The following MUC5B variants were observed in gnomAD, a reference collection of about 807,000 sequenced individuals.
MUC5B encodes the protein mucin 5B, oligomeric mucus/gel-forming, also known as mucin-5B.
A neutral mutation model predicts 376.9 loss-of-function variants in MUC5B; 116 were observed. The ratio of observed to expected loss-of-function variants is 0.31; its 90% CI spans 0.26 to 0.36. The LOEUF (loss-of-function observed/expected upper bound fraction) is 0.36, where lower values mean the gene tolerates loss of function less well. Among genes scored for constraint, MUC5B ranks in the 10% least tolerant of loss-of-function variants. The pLI is 1.00. For synonymous variants in MUC5B, 3,517 were observed against 3,390.9 expected (o/e 1.04, Z -1.29); for missense variants, 7,165 against 7,769.9 (o/e 0.92, Z 2.93).
At position 1,259,797 on chromosome 11, in the gene MUC5B, G is replaced by A; in HGVS notation, c.16755G>A (p.Glu5585=). The stretch of plus-strand genomic sequence containing the variant: ...GAGTGGCCGGGCAGTGCTGTGGGGA[G>A]TGCGTCCAGACCGCCTGCCTCACGC... ...YKRVAGQCCG[E]CVQTACLTPD... Residue 5585 remains glutamate, a synonymous_variant, in exon 45 of 49, where the codon GAG becomes GAA. Transcript: ENST00000529681. 1 of 1,612,464 alleles carries A rather than the reference G, an allele frequency of 6.2e-7. No homozygotes were observed. The highest frequency in any genetic ancestry group is 8.5e-7 in the Non-Finnish European group (1 of 1,179,708).
At chr11:1,228,371 C>T (rs2672811) in intron 7 of MUC5B, 193 bp from the exon 8 acceptor site, 6 of 575,568 alleles carry the variant, frequency 1.0e-5, no homozygotes, top group Admixed American at 7.0e-5. Context: ...AGGGGATCCC[C>T]GGTCACGGGT....
Position 1,258,105 on chromosome 11 carries a change from A to T in MUC5B, c.16457A>T (p.Asn5486Ile). The T allele has an allele frequency of 6.3e-7, 1 of 1,585,572 alleles. No homozygotes were observed. The highest frequency in any genetic ancestry group is 8.6e-7 in the Non-Finnish European group (1 of 1,168,252). The part of the protein sequence containing the change: ...PCCPETVCVC[N>I]TTTCPQSLPV... Reference sequence around the variant, plus strand: ...GGCCTCCATCCTCCCGCAGTGTGCAACACAACCACCTGCCCCCAGAGCCTG... The same window carrying T: ...GGCCTCCATCCTCCCGCAGTGTGCATCACAACCACCTGCCCCCAGAGCCTG... Residue 5486 changes from asparagine (N) to isoleucine (I), a missense_variant, in exon 42 of 49, where the codon AAC becomes ATC. Asn to Ile is a moderately radical substitution (Grantham distance 149, BLOSUM62 -3). Coordinates refer to ENST00000529681, the MANE Select transcript of MUC5B (RefSeq NM_002458.3). This position sits in a 1 kb window ranked among gnomAD's most constrained non-coding sequence, Gnocchi z 5.5.
At chr11:1,237,312 A>C (rs1862182390) in intron 25 of MUC5B, 148 bp downstream of exon 25, 1 of 1,085,884 alleles carries the variant, frequency 9.2e-7, no homozygotes, top group Non-Finnish European at 1.2e-6. Flanking sequence ...TCAGGTCCCA[A>C]GTCCGGATCT....
Position 1,255,386 on chromosome 11 carries a change from C to A in MUC5B, c.15894C>A (p.Val5298=), listed in dbSNP as rs769103314. 3.1e-6 allele frequency: 5 copies of A among 1,594,140 alleles called. No individual in the cohort carries two copies. In the African/African-American group the frequency reaches 6.7e-5, roughly 21 times the overall value. The change falls in exon 37 of 49, where the codon GTC becomes GTA. Residue 5298 remains valine (V), a synonymous_variant. Coordinates refer to ENST00000529681, the MANE Select transcript of MUC5B (RefSeq NM_002458.3). Reference sequence around the variant, plus strand: ...TCCTGATCGCTTTGCCCCACAGGGTCTTTGCTGAGTGCCACAACCTTGTGC... The same window carrying A: ...TCCTGATCGCTTTGCCCCACAGGGTATTTGCTGAGTGCCACAACCTTGTGC... The part of the protein sequence containing the change: ...QPLCDLMLSQ[V]FAECHNLVPP...
At position 1,228,456 on chromosome 11, in the gene MUC5B, C is replaced by T. The variant is rs908087975; in HGVS notation, c.775-108C>T. 1.9e-5 allele frequency: 21 copies of T among 1,120,364 alleles called. No individual in the cohort carries two copies. In the African/African-American group the frequency reaches 2.2e-4, roughly 12 times the overall value. The allele number at this position is 1,120,364 out of a possible 1,614,324, so 69.4% of individuals were successfully genotyped here. ...GGGTGGGGCTGGGTACAAGGAACCC[C>T]GACAGGGAGAGGGCTTCCCGGCCTG... On this transcript the variant is annotated intron_variant, in intron 7 of 48. Coordinates refer to ENST00000529681, the MANE Select transcript of MUC5B (RefSeq NM_002458.3).
rs1862590923 is a variant in MUC5B at position 1,249,121 on chromosome 11, T to A, written c.12241T>A (p.Ser4081Thr). ...CAGCAGGACCACCGAGTCACCCCCT[T>A]CCCCAGGGACGACCACCCCGGGCCA... is the stretch of plus-strand genomic sequence containing the variant. Reference protein sequence around the residue: ...PSSRTTESPPSPGTTTPGHTT... With the variant: ...PSSRTTESPPTPGTTTPGHTT... Residue 4081 changes from serine (S) to threonine (T), a missense_variant, in exon 31 of 49, where the codon TCC becomes ACC. Transcript: ENST00000529681. 1 of 1,597,380 alleles carries A rather than the reference T, an allele frequency of 6.3e-7. No individual in the cohort carries two copies. Among genetic ancestry groups the A allele is most frequent in the Non-Finnish European group, 8.5e-7 (1 of 1,175,544 alleles).
intron 18 of MUC5B, 136 bp downstream of exon 18, chr11:1,233,404 A>T: frequency 9.6e-7 from 1 of 1,041,120 alleles, no homozygotes; most frequent in Non-Finnish European, 1.3e-6. Context: ...GGCAGGGTGG[A>T]CCCAGCACAT....
Position 1,241,265 on chromosome 11 carries a change from C to T in MUC5B, c.4385C>T (p.Ala1462Val). 6.3e-7 allele frequency: 1 copy of T among 1,593,640 alleles called. No homozygotes were observed. The highest frequency in any genetic ancestry group is 8.5e-7 in the Non-Finnish European group (1 of 1,170,300). Residue 1462 changes from alanine to valine, a missense_variant, in exon 31 of 49, where the codon GCA becomes GTA. Ala to Val is a moderately conservative substitution (Grantham distance 64). Around this residue, in one of 31 missense-constraint regions of MUC5B, gnomAD observed 517 missense variants for 545.3 expected, o/e 0.95. Transcript: ENST00000529681. ...PAVPTPTQTT[A>V]TEKTTLWVTP... ...GTGCCTACCCCAACCCAGACCACAG[C>T]AACCGAAAAGACCACCCTATGGGTG...
Position 1,227,128 on chromosome 11 carries a change from G to T in MUC5B, c.559G>T (p.Gly187Ter), listed in dbSNP as rs769890888. Residue 187 changes from glycine to a stop codon, truncating the protein, a stop_gained, in exon 5 of 49, where the codon GGA becomes TGA. Coordinates refer to ENST00000529681, the MANE Select transcript of MUC5B (RefSeq NM_002458.3). LOFTEE classifies it high-confidence loss of function. ...IRLVLTFLWN[G>*]EDSALLELDP... ...GCTGGTGCTGACATTCCTGTGGAACGGAGAGGACAGTGCCCTGGTGAGGAA... is the reference window on the plus strand; with the variant it reads ...GCTGGTGCTGACATTCCTGTGGAACTGAGAGGACAGTGCCCTGGTGAGGAA... 6.2e-7 allele frequency: 1 copy of T among 1,612,118 alleles called. No homozygotes were observed. Among genetic ancestry groups the T allele is most frequent in the Non-Finnish European group, 8.5e-7 (1 of 1,179,468 alleles).
chr11:1,238,868 C>T lies in MUC5B; in HGVS notation c.3298-3C>T. On this transcript the variant is annotated splice_region_variant and splice_polypyrimidine_tract_variant and intron_variant, in intron 25 of 48. Coordinates refer to ENST00000529681, the MANE Select transcript of MUC5B (RefSeq NM_002458.3). Reference sequence around the variant, plus strand: ...CTGAGCTGCACCTTGGCCTCACCCGCAGGTTGACTCCACCAAGTACTACGA... The same window carrying T: ...CTGAGCTGCACCTTGGCCTCACCCGTAGGTTGACTCCACCAAGTACTACGA... The T allele has an allele frequency of 6.4e-7, 1 of 1,552,448 alleles. No individual in the cohort carries two copies. The highest frequency in any genetic ancestry group is 8.7e-7 in the Non-Finnish European group (1 of 1,147,146).
chr11:1,250,155 C>G lies in MUC5B; in HGVS notation c.13275C>G (p.Thr4425=). The G allele has an allele frequency of 6.2e-7, 1 of 1,611,628 alleles. No homozygotes were observed. Among genetic ancestry groups the G allele is most frequent in the Non-Finnish European group, 8.5e-7 (1 of 1,178,774 alleles). Residue 4425 remains threonine (T), a synonymous_variant, in exon 31 of 49, where the codon ACC becomes ACG. Transcript: ENST00000529681. ...PGTTWILTEL[T]TTATTTASTG... ...CCACCTGGATCCTCACAGAGCTGAC[C>G]ACAACAGCCACTACGACTGCGTCCA...
At position 1,242,286 on chromosome 11, in the gene MUC5B, G is replaced by T; in HGVS notation, c.5406G>T (p.Gly1802=). The T allele has an allele frequency of 1.2e-6, 2 of 1,613,926 alleles. No individual in the cohort carries two copies. Among genetic ancestry groups the T allele is most frequent in the Non-Finnish European group, 1.7e-6 (2 of 1,179,882 alleles). ...EWFDVDFPTS[G]VAGGDMETFE... is the part of the protein sequence containing the mutation. ...TTGACGTGGACTTCCCAACCTCAGGGGTTGCAGGCGGGGACATGGAAACTT... is the reference window on the plus strand; with the variant it reads ...TTGACGTGGACTTCCCAACCTCAGGTGTTGCAGGCGGGGACATGGAAACTT... Residue 1802 remains glycine (G), a synonymous_variant, in exon 31 of 49, where the codon GGG becomes GGT. Transcript: ENST00000529681.
Position 1,240,856 on chromosome 11 carries a change from G to GCCCT in MUC5B, c.3980_3983dup (p.Val1329ProfsTer32), listed in dbSNP as rs1315254114. 10 of 1,607,490 alleles carry GCCCT rather than the reference G, an allele frequency of 6.2e-6. No individual in the cohort carries two copies. Among genetic ancestry groups the GCCCT allele is most frequent in the Non-Finnish European group, 8.5e-6 (10 of 1,177,588 alleles). ...CTTTCCCATGCCCCTTGCAGGCCCG[G>GCCCT]CCCTCCCGGTCTCCACCGTGTGTGT... On this transcript the variant is annotated frameshift_variant, in exon 31 of 49. Coordinates refer to ENST00000529681, the MANE Select transcript of MUC5B (RefSeq NM_002458.3). LOFTEE classifies it high-confidence loss of function.
chr11:1,254,496 C>A, intron 34 of MUC5B, 145 bp downstream of exon 34: 1 of 1,299,432 alleles, frequency 7.7e-7, no homozygotes, highest in South Asian at 1.4e-5. Flanking sequence ...GCCTGTGGAG[C>A]CGCCTAAGGC....
Position 1,246,333 on chromosome 11 carries a change from G to T in MUC5B, c.9453G>T (p.Thr3151=). Residue 3151 remains threonine (T), a synonymous_variant, in exon 31 of 49, where the codon ACG becomes ACT. Coordinates refer to ENST00000529681, the MANE Select transcript of MUC5B (RefSeq NM_002458.3). ...CTACAACTGCAGCCACTGGCCCCAC[G>T]GCCACCCCGTCCTCCACCCCAGGGA... ...AATTTAATGP[T]ATPSSTPGTT... 6.2e-7 allele frequency: 1 copy of T among 1,601,668 alleles called. No homozygotes were observed. The highest frequency in any genetic ancestry group is 1.3e-5 in the African/African-American group (1 of 74,542).
Position 1,254,762 on chromosome 11 carries a change from G to A in MUC5B, c.15546G>A (p.Gly5182=), listed in dbSNP as rs546860424. Residue 5182 remains glycine, a synonymous_variant, in exon 35 of 49, where the codon GGG becomes GGA. Coordinates refer to ENST00000529681, the MANE Select transcript of MUC5B (RefSeq NM_002458.3). ...SKNGVLVSVL[G]TTTMRVDIPA... is the part of the protein sequence containing the mutation. ...ACGGCGTGCTTGTGTCTGTGCTGGG[G>A]ACCACCACCATGCGTGTGGACATTC... The A allele has an allele frequency of 6.2e-7, 1 of 1,612,936 alleles. No homozygotes were observed. The highest frequency in any genetic ancestry group is 8.5e-7 in the Non-Finnish European group (1 of 1,179,802).
rs1862297829 is a variant in MUC5B, at chr11:1,242,010, C to T, written c.5130C>T (p.Arg1710=). 6.3e-7 allele frequency: 1 copy of T among 1,586,406 alleles called. No individual in the cohort carries two copies. The highest frequency in any genetic ancestry group is 1.3e-5 in the African/African-American group (1 of 74,094). Residue 1710 remains arginine, a synonymous_variant, in exon 31 of 49, where the codon CGC becomes CGT. Transcript: ENST00000529681. ...CGACGGGGAGCTTGGGCACATGGCGCCCCTCACAGCCACCCACGCTGGCCC... is the reference window on the plus strand; with the variant it reads ...CGACGGGGAGCTTGGGCACATGGCGTCCCTCACAGCCACCCACGCTGGCCC... ...PGTTGSLGTW[R]PSQPPTLAPT...
chr11:1,241,313 C>T lies in MUC5B; in HGVS notation c.4433C>T (p.Ala1478Val), dbSNP rs759099088. ...GTGACCCCGAGCATCCGGTCGACGG[C>T]GGCCCTCACCTCGCAGACTGGGTCC... is the stretch of plus-strand genomic sequence containing the variant. ...LWVTPSIRST[A>V]ALTSQTGSSS... The change falls in exon 31 of 49, where the codon GCG (alanine) becomes GTG (valine). Residue 1478 changes from alanine to valine, a missense_variant. Coordinates refer to ENST00000529681, the MANE Select transcript of MUC5B (RefSeq NM_002458.3). 46 of 1,605,834 alleles carry T rather than the reference C, an allele frequency of 2.9e-5. No individual in the cohort carries two copies. Among genetic ancestry groups the T allele is most frequent in the Non-Finnish European group, 3.3e-5 (39 of 1,176,188 alleles).
rs1862460213 is a variant in MUC5B, at chr11:1,246,234, C to G, written c.9354C>G (p.Ala3118=). 3 of 1,612,660 alleles carry G rather than the reference C, an allele frequency of 1.9e-6. No individual in the cohort carries two copies. The highest frequency in any genetic ancestry group is 2.5e-6 in the Non-Finnish European group (3 of 1,179,434). ...VLTTKATTTR[A]TSSMSTPSST... is the part of the protein sequence containing the mutation. The stretch of plus-strand genomic sequence containing the variant: ...CCACGAAGGCCACCACGACAAGGGC[C>G]ACCAGTTCCATGTCCACCCCCTCCT... Residue 3118 remains alanine (A), a synonymous_variant, in exon 31 of 49, where the codon GCC becomes GCG. Coordinates refer to ENST00000529681, the MANE Select transcript of MUC5B (RefSeq NM_002458.3).
Sources: gnomAD v4.1 joint callset for allele counts on GRCh38, gnomAD v4.1.1 for gene constraint, gnomAD v4.1.1 regional missense constraint, Gnocchi (gnomAD v3.1) non-coding constraint, MANE v1.5 for transcripts, NCBI Gene and HGNC (gene_info 2026-07-23, HGNC 2026-07-21) for gene names.